The following QKI variants were observed in gnomAD, a reference collection of about 807,000 sequenced individuals.
QKI encodes the protein QKI, KH domain containing RNA binding, also known as KH domain-containing RNA-binding protein QKI.
Under a neutral mutation model 39.0 loss-of-function variants are expected in QKI, and 10 were observed. The ratio of observed to expected loss-of-function variants is 0.26; its 90% CI spans 0.16 to 0.43. The LOEUF is 0.43. Among genes scored for constraint, QKI ranks in the 20% least tolerant of loss-of-function variants. The pLI, the probability that QKI is intolerant of heterozygous loss-of-function variation, is 1.00. For missense variants in QKI, 218 were observed against 428.0 expected (o/e 0.51, Z 4.33); for synonymous variants, 204 against 155.4 (o/e 1.31, Z -2.33).
At chr6:163,470,277 TGGGGGTA>T (rs1187533448) in intron 2 of QKI, among the ~76,000 whole-genome samples, 1 of 152,030 alleles carries the variant, frequency 6.6e-6, no homozygotes, top group Non-Finnish European at 1.5e-5. Flanking sequence ...AGTCTTCGCT[TGGGGGTA>T]GGGACACTGA....
At chr6:163,501,785 C>T (rs1778778895) in intron 3 of QKI, among the ~76,000 whole-genome samples, 1 of 152,198 alleles carries the variant, frequency 6.6e-6, no homozygotes, top group African/African-American at 2.4e-5. Context: ...AGTGGTTCTA[C>T]ACTTTCTTTC....
intron 4 of QKI, among the ~76,000 whole-genome samples, chr6:163,560,445 G>C: frequency 6.6e-6 from 1 of 152,112 alleles, no homozygotes; most frequent in East Asian, 1.9e-4. Context: ...CTGTAATCTA[G>C]GGATGGCCCC....
At chr6:163,569,029 A>G (rs1164409755) in intron 7 of QKI, 5 of 975,928 alleles carry the variant, frequency 5.1e-6, no homozygotes, top group East Asian at 1.1e-4. Context: ...CATCACTTAC[A>G]TAATTTGTAT....
At chr6:163,503,547 G>A (rs2092407) in intron 3 of QKI, among the ~76,000 whole-genome samples, 119,455 of 151,828 alleles carry the variant, frequency 0.79, 47,163 homozygotes, top group East Asian at 1. Flanking sequence ...AGTTTCTTTT[G>A]CTGTGCGGAA....
intron 3 of QKI, among the ~76,000 whole-genome samples, chr6:163,495,047 C>T (rs1737610): frequency 0.06 from 9,047 of 151,870 alleles, 312 homozygotes; most frequent in South Asian, 0.091. Flanking sequence ...TCCCAGGTAT[C>T]TGGGATTATA....
intron 2 of QKI, among the ~76,000 whole-genome samples, chr6:163,457,049 A>C (rs967339301): frequency 1.1e-4 from 17 of 152,090 alleles, no homozygotes; most frequent in Non-Finnish European, 1.9e-4. Context: ...AGAGATGGGA[A>C]ATTGTGATTT....
chr6:163,535,220 G>A, intron 4 of QKI, 95 bp downstream of exon 4: 1 of 1,241,374 alleles, frequency 8.1e-7, no homozygotes, highest in Non-Finnish European at 1.1e-6. Context: ...TAGGTTATTG[G>A]TTGTTAGAAA....
intron 1 of QKI, among the ~76,000 whole-genome samples, chr6:163,444,557 A>AAC (rs1790003577): frequency 9.3e-6 from 1 of 107,338 alleles, no homozygotes; most frequent in African/African-American, 3.4e-5. Context: ...AAAATCTAAA[A>AAC]CGTATAGATA....
intron 6 of QKI, chr6:163,564,206 T>C (rs1783210048): frequency 1.3e-5 from 13 of 1,024,166 alleles, no homozygotes; most frequent in South Asian, 8.0e-5. Flanking sequence ...ACTTAAAATA[T>C]CAGATAAATA....
intron 1 of QKI, among the ~76,000 whole-genome samples, chr6:163,440,420 A>G (rs765231479): frequency 6.6e-6 from 1 of 152,200 alleles, no homozygotes; most frequent in Non-Finnish European, 1.5e-5. Context: ...ACCTGATAAT[A>G]ATGGAATAAA....
At chr6:163,555,551 C>T (rs1306563639) in intron 4 of QKI, among the ~76,000 whole-genome samples, 4 of 137,444 alleles carry the variant, frequency 2.9e-5, no homozygotes, top group African/African-American at 1.1e-4. Flanking sequence ...TGAGAGAAAA[C>T]GATGATCTGT....
chr6:163,570,305 C>T (rs1214378817), intron 7 of QKI: 6 of 980,594 alleles, frequency 6.1e-6, no homozygotes, highest in Non-Finnish European at 7.3e-6. Flanking sequence ...TAATAGCAGT[C>T]AGATACTGAT....
At chr6:163,448,593 G>T (rs889339782) in intron 1 of QKI, among the ~76,000 whole-genome samples, 1 of 151,834 alleles carries the variant, frequency 6.6e-6, no homozygotes, top group Non-Finnish European at 1.5e-5. Context: ...TAAATTAGCT[G>T]ACCATGGTGG....
At position 163,564,192 on chromosome 6, in the gene QKI, G is replaced by A. The variant is rs543486987; in HGVS notation, c.934+473G>A. On this transcript the variant is annotated intron_variant, in intron 6 of 7. Coordinates refer to ENST00000361752, the MANE Select transcript of QKI (RefSeq NM_006775.3). ...ATTGTGTGTGTTTTGTAATATTTGC[G>A]ATCACTTAAAATATCAGATAAATAC... The A allele has an allele frequency of 7.5e-5, 76 of 1,018,704 alleles. No homozygotes were observed. In the African/African-American group the frequency reaches 1.2e-3, roughly 16 times the overall value. The allele number at this position is 1,018,704 out of a possible 1,614,324, so 63.1% of individuals were successfully genotyped here.
chr6:163,559,920 T>C (rs755026789), intron 4 of QKI, among the ~76,000 whole-genome samples: 1 of 152,178 alleles, frequency 6.6e-6, no homozygotes, highest in Non-Finnish European at 1.5e-5. Flanking sequence ...ATTGTAAATA[T>C]CACAAAGTCA....
intron 2 of QKI, among the ~76,000 whole-genome samples, chr6:163,459,483 C>T (rs1405601333): frequency 6.6e-6 from 1 of 152,130 alleles, no homozygotes; most frequent in Non-Finnish European, 1.5e-5. Flanking sequence ...ACCCAAATGT[C>T]AGTAGTGCTG....
chr6:163,474,690 T>C (rs1390953218), intron 2 of QKI, among the ~76,000 whole-genome samples: 1 of 150,176 alleles, frequency 6.7e-6, no homozygotes, highest in Non-Finnish European at 1.5e-5. Flanking sequence ...TTGGGAGGCT[T>C]AGGCACTGGG....
intron 3 of QKI, among the ~76,000 whole-genome samples, chr6:163,497,263 A>G (rs1360770297): frequency 6.6e-6 from 1 of 152,052 alleles, no homozygotes; most frequent in Non-Finnish European, 1.5e-5. Context: ...TTGTTCTAGC[A>G]TTTGTTCAGT....
At chr6:163,459,490 G>A (rs1348444536) in intron 2 of QKI, among the ~76,000 whole-genome samples, 2 of 152,178 alleles carry the variant, frequency 1.3e-5, no homozygotes, top group African/African-American at 2.4e-5. Context: ...TGTCAGTAGT[G>A]CTGAGGTTGA....
Sources: allele counts gnomAD v4.1 joint callset (sites outside exome capture counted in the v4.1 genomes callset), GRCh38; gene constraint gnomAD v4.1.1; transcripts MANE v1.5; gene names NCBI Gene and HGNC (gene_info 2026-07-23, HGNC 2026-07-21).